ANKRD30B: variants seen among roughly 807,000 people sequenced by gnomAD.
ANKRD30B encodes ankyrin repeat domain 30B.
Under a neutral mutation model 202.2 loss-of-function variants are expected in ANKRD30B, and 144 were observed. The observed-to-expected ratio is 0.71, with a 90% CI of 0.62 to 0.82. The LOEUF is 0.82. ANKRD30B is among the 40% of genes least tolerant of loss of function. The probability of loss-of-function intolerance (pLI) is 0.00; values close to 1 mark genes in which losing one functional copy is unlikely to be tolerated. For synonymous variants in ANKRD30B, 508 were observed against 561.3 expected (o/e 0.91, Z 1.34); for missense variants, 1,487 against 1,669.1 (o/e 0.89, Z 1.90).
At chr18:14,914,117 G>A in the ANKRD30B span, among the ~76,000 whole-genome samples, 1 of 152,186 alleles carries the variant, frequency 6.6e-6, no homozygotes, top group East Asian at 1.9e-4. Context: ...TGTTAAGAAT[G>A]TCCATGATGC....
the ANKRD30B span, among the ~76,000 whole-genome samples, chr18:14,863,079 C>T: frequency 3.6e-4 from 55 of 152,240 alleles, no homozygotes; most frequent in East Asian, 8.3e-3. Flanking sequence ...GATGAGATTT[C>T]GGACTTTTGA....
chr18:14,792,743 TA>T (rs1968611474), intron 16 of ANKRD30B, among the ~76,000 whole-genome samples: 1 of 151,510 alleles, frequency 6.6e-6, no homozygotes, highest in Non-Finnish European at 1.5e-5. Context: ...TATATATATA[TA>T]TATATGTATA....
intron 11 of ANKRD30B, among the ~76,000 whole-genome samples, chr18:14,780,392 G>T (rs1296820465): frequency 6.6e-6 from 1 of 151,842 alleles, no homozygotes; most frequent in East Asian, 1.9e-4. Flanking sequence ...TTGCAGTGAG[G>T]TGAGATTGCA....
chr18:14,804,922 C>T (rs1432182212), intron 24 of ANKRD30B, among the ~76,000 whole-genome samples: 18 of 150,242 alleles, frequency 1.2e-4, no homozygotes, highest in East Asian at 9.7e-4. Flanking sequence ...ATGGAGTGAA[C>T]TCACTTCGGA....
chr18:14,852,117 G>A lies in ANKRD30B; in HGVS notation c.4173G>A (p.Gln1391=), dbSNP rs778756747. The change falls in exon 42 of 44, where the codon CAG becomes CAA. Residue 1391 remains glutamine (Q), a synonymous_variant. Transcript: ENST00000690538. ...CACAAAGAGACCGATGTGAAACACA[G>A]TGTCAAATGAAGAAAGCTGAACACA... ...EHAQRDRCET[Q]CQMKKAEHMY... 5 of 1,604,916 alleles carry A rather than the reference G, an allele frequency of 3.1e-6. No homozygotes were observed. Among genetic ancestry groups the A allele is most frequent in the Non-Finnish European group, 4.3e-6 (5 of 1,175,168 alleles).
chr18:14,901,906 G>A, the ANKRD30B span, among the ~76,000 whole-genome samples: 2 of 152,160 alleles, frequency 1.3e-5, no homozygotes, highest in Non-Finnish European at 2.9e-5. Context: ...CCTACAAGGT[G>A]CATGAGTCCA....
chr18:14,797,919 G>A, intron 20 of ANKRD30B, 65 bp downstream of exon 20: 5 of 1,304,780 alleles, frequency 3.8e-6, no homozygotes, highest in Middle Eastern at 2.7e-4. Context: ...AATGCCAAGA[G>A]CCTTTTATTC....
chr18:14,837,115 T>C, intron 34 of ANKRD30B, 96 bp from the exon 35 acceptor site: 1 of 731,632 alleles, frequency 1.4e-6, no homozygotes, highest in Non-Finnish European at 2.3e-6. Flanking sequence ...TTGTTGTTGT[T>C]TGTCTTTCTG....
Position 14,852,216 on chromosome 18 carries a change from A to G in ANKRD30B, c.4272A>G (p.Gln1424=). 3.8e-6 allele frequency: 6 copies of G among 1,587,694 alleles called. No homozygotes were observed. In the East Asian group the frequency reaches 7.1e-5, roughly 19 times the overall value. The change falls in exon 42 of 44, where the codon CAA becomes CAG. Residue 1424 remains glutamine (Q), a synonymous_variant. Transcript: ENST00000690538. ...QQESLEQKLF[Q]LESKNRWLRQ... is the part of the protein sequence containing the mutation. ...AGTCTCTGGAGCAGAAATTATTTCA[A>G]CTAGAAAGCAAAAATAGGTGGCTTC... is the stretch of plus-strand genomic sequence containing the variant.
chr18:14,868,356 G>A, the ANKRD30B span, among the ~76,000 whole-genome samples: 132 of 152,400 alleles, frequency 8.7e-4, no homozygotes, highest in Non-Finnish European at 1.6e-3. Flanking sequence ...TCCTTCTGCT[G>A]GCATCTGAGC....
intron 6 of ANKRD30B, 85 bp downstream of exon 6, chr18:14,760,703 C>T (rs1915119998): frequency 2.1e-6 from 2 of 950,154 alleles, no homozygotes; most frequent in Non-Finnish European, 3.2e-6. Flanking sequence ...ATTCAAAAAG[C>T]AATGTGCAAA....
At chr18:14,934,313 G>A in the ANKRD30B span, among the ~76,000 whole-genome samples, 7 of 152,236 alleles carry the variant, frequency 4.6e-5, no homozygotes, top group African/African-American at 1.7e-4. Flanking sequence ...CGAGAGGCAG[G>A]CCCGAGGGGA....
At chr18:14,781,488 G>A (rs1247896521) in intron 11 of ANKRD30B, among the ~76,000 whole-genome samples, 3 of 44,860 alleles carry the variant, frequency 6.7e-5, no homozygotes, top group East Asian at 5.1e-4. Flanking sequence ...TAGTAGAGAC[G>A]GGATTTCACC....
the ANKRD30B span, among the ~76,000 whole-genome samples, chr18:14,934,949 C>CACACACACACACACA: frequency 7.0e-6 from 1 of 142,980 alleles, no homozygotes; most frequent in African/African-American, 2.9e-5. Context: ...CACACACACA[C>CACACACACACACACA]CCCATCGTGT....
intron 15 of ANKRD30B, among the ~76,000 whole-genome samples, chr18:14,790,215 G>C (rs1968378536): frequency 6.6e-6 from 1 of 152,138 alleles, no homozygotes; most frequent in Non-Finnish European, 1.5e-5. Context: ...GTGTAAGAAT[G>C]CTTGTGATTT....
chr18:14,769,326 C>A lies in ANKRD30B; in HGVS notation c.1226-17C>A. 6.6e-7 allele frequency: 1 copy of A among 1,525,130 alleles called. No individual in the cohort carries two copies. The highest frequency in any genetic ancestry group is 8.9e-7 in the Non-Finnish European group (1 of 1,129,508). 94.5% of individuals were successfully genotyped at this position (1,525,130 alleles called of 1,614,324 possible). A position where few individuals can be genotyped will look rare whatever the true frequency, so the allele number is the denominator to read the frequency against. ...ATATTTGTTAATTTAATGTATTTTA[C>A]TTTTTTTCTTTAATAGTGGATGTGA... On this transcript the variant is annotated splice_polypyrimidine_tract_variant and intron_variant, in intron 7 of 43. Transcript: ENST00000690538.
intron 30 of ANKRD30B, among the ~76,000 whole-genome samples, chr18:14,819,757 T>G (rs993865215): frequency 6.6e-6 from 1 of 152,204 alleles, no homozygotes; most frequent in Non-Finnish European, 1.5e-5. Context: ...GCTGTTTTGG[T>G]TACTGTAGCC....
chr18:14,769,306 T>G, intron 7 of ANKRD30B, 37 bp from the exon 8 acceptor site: 6 of 1,409,396 alleles, frequency 4.3e-6, no homozygotes, highest in Non-Finnish European at 5.8e-6. Context: ...TATTTATATT[T>G]GTTAATTTAA....
At chr18:14,839,636 G>A (rs1337576794) in intron 36 of ANKRD30B, among the ~76,000 whole-genome samples, 8 of 152,166 alleles carry the variant, frequency 5.3e-5, no homozygotes, top group African/African-American at 7.2e-5. Context: ...CCTTAAGAAC[G>A]AATTGCATAC....
Sources: allele counts gnomAD v4.1 joint callset (sites outside exome capture counted in the v4.1 genomes callset), GRCh38; gene constraint gnomAD v4.1.1; transcripts MANE v1.5; gene names NCBI Gene and HGNC (gene_info 2026-07-23, HGNC 2026-07-21).